The following EXOC6 variants were observed in gnomAD, a reference collection of about 807,000 sequenced individuals.
EXOC6 encodes the protein exocyst complex component 6.
Under a neutral mutation model 112.5 loss-of-function variants are expected in EXOC6, and 60 were observed. That is an observed-to-expected ratio of 0.53 (90% CI 0.43 to 0.66). The LOEUF (loss-of-function observed/expected upper bound fraction) is 0.66. EXOC6 is among the 30% of genes least tolerant of loss of function. EXOC6 has a pLI of 0.00. For synonymous variants in EXOC6, 295 were observed against 308.0 expected, an observed-to-expected ratio of 0.96 and a Z score of 0.44; for missense variants, 855 against 957.1, an observed-to-expected ratio of 0.89 and a Z score of 1.41.
chr10:93,056,626 A>G lies in EXOC6; in HGVS notation c.2170-298A>G, dbSNP rs559987522. On this transcript the variant is annotated intron_variant, in intron 20 of 21. Coordinates refer to ENST00000260762, the MANE Select transcript of EXOC6 (RefSeq NM_019053.6). ...ACTAATGCATAAAGATAAAATTTCT[A>G]TACATCAGTACAAGGGTTAATATAT... 9.2e-4 allele frequency among the ~76,000 whole-genome samples: 103 copies of G among 112,446 alleles called. 2 individuals are homozygous for G. Among genetic ancestry groups the G allele is most frequent in the African/African-American group, 3.2e-3 (97 of 30,780 alleles). The allele number at this position is 112,446 out of a possible 152,430, so 73.8% of individuals were successfully genotyped here.
intron 5 of EXOC6, chr10:92,901,769 A>G (rs1158867103): frequency 1.3e-5 from 2 of 149,664 alleles, no homozygotes; most frequent in Non-Finnish European, 3.0e-5. Context: ...AGGCTAAGGC[A>G]GGTGGATCGC....
At chr10:92,990,394 A>G (rs375234822) in intron 18 of EXOC6, among the ~76,000 whole-genome samples, 1 of 152,190 alleles carries the variant, frequency 6.6e-6, no homozygotes. Context: ...GCAGAAAACA[A>G]TATTTTGAAT....
chr10:92,827,429 G>T (rs1222732792), intron 1 of EXOC6, among the ~76,000 whole-genome samples: 1 of 121,310 alleles, frequency 8.2e-6, no homozygotes, highest in Non-Finnish European at 1.6e-5. Flanking sequence ...AGACGAGATG[G>T]CACCACTGCA....
In EXOC6 at chr10:92,966,040, G is replaced by T. The variant is rs953025708; in HGVS notation, c.1774-8013G>T. Among the ~76,000 whole-genome samples, 4 of 151,984 alleles carry T rather than the reference G, an allele frequency of 2.6e-5. No individual in the cohort carries two copies. The South Asian group carries it at 6.2e-4, about 24-fold the overall frequency. On this transcript the variant is annotated intron_variant, in intron 17 of 21. Transcript: ENST00000260762. ...TAAAAAATATTAGGTACCCTTCCCC[G>T]AAAGTTTTTTAACATCTTGAGAAAA...
chr10:92,838,082 G>T (rs138797830), intron 1 of EXOC6, among the ~76,000 whole-genome samples: 4 of 152,288 alleles, frequency 2.6e-5, no homozygotes, highest in African/African-American at 9.6e-5. Flanking sequence ...TGAGCTCAGA[G>T]AGCTCAGTGA....
intron 18 of EXOC6, among the ~76,000 whole-genome samples, chr10:92,987,392 G>T (rs1365094570): frequency 6.6e-6 from 1 of 152,146 alleles, no homozygotes; most frequent in African/African-American, 2.4e-5. Context: ...AGGAGGATTT[G>T]TCTAATTAGT....
At chr10:92,830,717 A>T (rs1231005422), upstream of EXOC6, among the ~76,000 whole-genome samples, 1 of 152,068 alleles carries the variant, frequency 6.6e-6, no homozygotes, top group Admixed American at 6.6e-5. Flanking sequence ...CGAGCAGGGG[A>T]CCCACAAGAT....
At chr10:92,947,244 C>G (rs1157212854) in intron 13 of EXOC6, among the ~76,000 whole-genome samples, 1 of 152,172 alleles carries the variant, frequency 6.6e-6, no homozygotes, top group Non-Finnish European at 1.5e-5. Context: ...GTCAGAGATA[C>G]AAGCTATTTG....
chr10:92,909,539 G>C lies in EXOC6; in HGVS notation c.571G>C (p.Asp191His). The change falls in exon 6 of 22, where the codon GAT (aspartate) becomes CAT (histidine). Residue 191 changes from aspartate (D) to histidine (H), a missense_variant. Physicochemically the swap from Asp to His is moderately conservative, Grantham distance 81. This residue lies in a region of EXOC6 where 405 missense variants were observed against 393.6 expected (regional missense o/e 1.03). Coordinates refer to ENST00000260762, the MANE Select transcript of EXOC6 (RefSeq NM_019053.6). The stretch of plus-strand genomic sequence containing the variant: ...AGAAAATCTTCCCAAACTCCGTGAG[G>C]ATATTAAAGAAATCTCCATGTCTGA... ...MIENLPKLREDIKEISMSDLK... is the reference protein window; with the variant it reads ...MIENLPKLREHIKEISMSDLK... 6.8e-6 allele frequency: 11 copies of C among 1,613,380 alleles called. No homozygotes were observed. Among genetic ancestry groups the C allele is most frequent in the Non-Finnish European group, 5.9e-6 (7 of 1,179,466 alleles).
chr10:92,991,332 A>T (rs371862481), intron 18 of EXOC6, among the ~76,000 whole-genome samples: 1 of 150,518 alleles, frequency 6.6e-6, no homozygotes, highest in African/African-American at 2.4e-5. Context: ...GCTACTCGGG[A>T]GGCTGAGGCA....
Position 92,899,552 on chromosome 10 carries a change from ATTTTC to A in EXOC6, c.413-41_413-37del, listed in dbSNP as rs754679398. On this transcript the variant is annotated intron_variant, in intron 4 of 21. Transcript: ENST00000260762. ...TTTGATTATTTTCATGTCTCAAAAT[ATTTTC>A]TTTTCATTTTGAAAGCTAAAATGTT... is the stretch of plus-strand genomic sequence containing the variant. 6.1e-5 allele frequency: 80 copies of A among 1,313,268 alleles called. 1 individual carries two copies. Among genetic ancestry groups the A allele is most frequent in the Middle Eastern group, 1.9e-4 (1 of 5,314 alleles). 81.4% of individuals were successfully genotyped at this position (1,313,268 alleles called of 1,614,324 possible).
rs1564906291 is a variant in EXOC6 at position 93,008,295 on chromosome 10, GAAAA to G, written c.2096-5895_2096-5892del. Reference sequence around the variant, plus strand: ...AATAGTCAAATTGGAGGCATTAAGAGAAAAAAACAAAGATTTGGAATCTCTTAAA... The same window carrying G: ...AATAGTCAAATTGGAGGCATTAAGAGAAACAAAGATTTGGAATCTCTTAAA... On this transcript the variant is annotated intron_variant, in intron 19 of 21. Transcript: ENST00000260762. Among the ~76,000 whole-genome samples, 6 of 152,108 alleles carry G rather than the reference GAAAA, an allele frequency of 3.9e-5. No homozygotes were observed. The South Asian group carries it at 1.2e-3, about 32-fold the overall frequency.
At chr10:92,926,008 G>A (rs747152054) in intron 8 of EXOC6, among the ~76,000 whole-genome samples, 1 of 150,188 alleles carries the variant, frequency 6.7e-6, no homozygotes, top group Non-Finnish European at 1.5e-5. Flanking sequence ...TGATCATGAG[G>A]ACTGGCTTTG....
chr10:92,858,010 T>C (rs1847693867), intron 1 of EXOC6, among the ~76,000 whole-genome samples: 1 of 146,618 alleles, frequency 6.8e-6, no homozygotes, highest in Admixed American at 7.2e-5. Context: ...GTAAGATTTT[T>C]AGTTGACGGG....
At chr10:92,831,512 C>A (rs1403944438), upstream of EXOC6, among the ~76,000 whole-genome samples, 1 of 152,080 alleles carries the variant, frequency 6.6e-6, no homozygotes, top group African/African-American at 2.4e-5. Flanking sequence ...CGGCTCACTG[C>A]AACCTCCACC....
chr10:92,947,194 T>G (rs1853075790), intron 13 of EXOC6, among the ~76,000 whole-genome samples: 1 of 152,226 alleles, frequency 6.6e-6, no homozygotes, highest in African/African-American at 2.4e-5. Flanking sequence ...TGAACATGTT[T>G]TATTCCTCAC....
intron 19 of EXOC6, chr10:92,999,184 A>G (rs1395714269): frequency 2.5e-6 from 1 of 399,478 alleles, no homozygotes; most frequent in African/African-American, 2.2e-5. Context: ...TGTATTTACA[A>G]CAATATCCCT....
intron 20 of EXOC6, among the ~76,000 whole-genome samples, chr10:93,028,123 G>A (rs1209202263): frequency 3.3e-5 from 5 of 151,852 alleles, no homozygotes; most frequent in South Asian, 2.1e-4. Context: ...ATAAGGAGAC[G>A]CTGTCATATG....
intron 9 of EXOC6, 145 bp from the exon 10 acceptor site, chr10:92,933,999 A>G (rs1048778570): frequency 1.5e-4 from 76 of 510,128 alleles, no homozygotes; most frequent in Non-Finnish European, 2.3e-4. Context: ...TGTTATTTAC[A>G]GATATATCCC....
Sources: gnomAD v4.1 joint callset for allele counts (sites outside exome capture counted in the v4.1 genomes callset) on GRCh38, gnomAD v4.1.1 for gene constraint, gnomAD v4.1.1 regional missense constraint, MANE v1.5 for transcripts, NCBI Gene and HGNC (gene_info 2026-07-23, HGNC 2026-07-21) for gene names.